PODXL: variants seen among roughly 807,000 people sequenced by gnomAD.
PODXL encodes the protein podocalyxin.
Under a neutral mutation model 48.9 loss-of-function variants are expected in PODXL, and 20 were observed. The ratio of observed to expected loss-of-function variants is 0.41; its 90% CI spans 0.29 to 0.59. PODXL has a LOEUF of 0.59. PODXL is among the 20% of genes least tolerant of loss of function. PODXL has a pLI of 0.31. For synonymous variants in PODXL, 295 were observed against 287.4 expected (o/e 1.03, Z -0.27); for missense variants, 606 against 675.1 (o/e 0.90, Z 1.13).
At chr7:131,517,233 C>T (rs1798013945) in intron 1 of PODXL, among the ~76,000 whole-genome samples, 1 of 152,146 alleles carries the variant, frequency 6.6e-6, no homozygotes, top group African/African-American at 2.4e-5. Context: ...AACAGAATTT[C>T]GTTTCCAGGA....
intron 1 of PODXL, among the ~76,000 whole-genome samples, chr7:131,517,248 A>T (rs980548250): frequency 6.6e-6 from 1 of 152,130 alleles, no homozygotes; most frequent in Non-Finnish European, 1.5e-5. Context: ...CCAGGAAAAA[A>T]GGTGTGTGTG....
intron 1 of PODXL, among the ~76,000 whole-genome samples, chr7:131,521,990 C>T (rs376335599): frequency 6.6e-6 from 1 of 152,250 alleles, no homozygotes; most frequent in Non-Finnish European, 1.5e-5. Context: ...TGAAGCAAAG[C>T]AGAGCTGTGG....
chr7:131,539,116 C>G (rs1026414412), intron 1 of PODXL, among the ~76,000 whole-genome samples: 2 of 152,210 alleles, frequency 1.3e-5, no homozygotes, highest in Non-Finnish European at 2.9e-5. Flanking sequence ...CAGGACAGCA[C>G]CCGGGGGAGG....
intron 1 of PODXL, among the ~76,000 whole-genome samples, chr7:131,546,079 A>C (rs1174370544): frequency 1.3e-5 from 2 of 151,742 alleles, no homozygotes; most frequent in Admixed American, 6.6e-5. Context: ...AGCTCCATGC[A>C]CCTCCCCCAT....
intron 1 of PODXL, among the ~76,000 whole-genome samples, chr7:131,541,020 C>T (rs1193901811): frequency 6.6e-6 from 1 of 152,192 alleles, no homozygotes; most frequent in Non-Finnish European, 1.5e-5. Flanking sequence ...TGTGTTCTGT[C>T]CTGGCGAGAA....
At chr7:131,553,547 C>T (rs984653294) in intron 1 of PODXL, among the ~76,000 whole-genome samples, 2 of 152,212 alleles carry the variant, frequency 1.3e-5, no homozygotes, top group African/African-American at 2.4e-5. Context: ...GATATATATA[C>T]TCGCTCATCT....
At chr7:131,524,377 C>CAGAGAGAGAG (rs1451998492) in intron 1 of PODXL, among the ~76,000 whole-genome samples, 3 of 24,034 alleles carry the variant, frequency 1.2e-4, no homozygotes, top group Non-Finnish European at 1.8e-4. Context: ...CACACACACA[C>CAGAGAGAGAG]ACAGAGAGAG....
At chr7:131,511,550 A>AGGCAG in intron 1 of PODXL, 117 bp from the exon 2 acceptor site, 3 of 1,028,604 alleles carry the variant, frequency 2.9e-6, no homozygotes, top group Non-Finnish European at 4.3e-6. Context: ...CTGCCTTGCT[A>AGGCAG]AAGGCCTGGG....
intron 1 of PODXL, among the ~76,000 whole-genome samples, chr7:131,514,097 A>T (rs1285576032): frequency 1.3e-5 from 2 of 152,172 alleles, no homozygotes; most frequent in African/African-American, 2.4e-5. Flanking sequence ...CCAGAGTATG[A>T]AAGGCACACT....
At position 131,503,251 on chromosome 7, in the gene PODXL, C is replaced by G. The variant is rs1797740478; in HGVS notation, c.*1060G>C. On this transcript the variant is annotated 3_prime_UTR_variant, in exon 9 of 9. Coordinates refer to ENST00000378555, the MANE Select transcript of PODXL (RefSeq NM_001018111.3). ...CTGAAGACACATCGCTGATGGGGGG[C>G]CCCGGGAAGGCCTCTCCTGCAGCCA... is the stretch of plus-strand genomic sequence containing the variant. 1 of 152,668 alleles carries G rather than the reference C, an allele frequency of 6.6e-6. No homozygotes were observed. Among genetic ancestry groups the G allele is most frequent in the South Asian group, 2.1e-4 (1 of 4,828 alleles). 9.5% of individuals were successfully genotyped at this position (152,668 alleles called of 1,614,324 possible).
chr7:131,506,612 G>C lies in PODXL; in HGVS notation c.1216C>G (p.Gln406Glu). The change falls in exon 6 of 9, where the codon CAG becomes GAG. Residue 406 changes from glutamine (Q) to glutamate (E), a missense_variant. Physicochemically the swap from Gln to Glu is conservative, Grantham distance 29. Coordinates refer to ENST00000378555, the MANE Select transcript of PODXL (RefSeq NM_001018111.3). ...GTGATTTCTTTGACGACCACGGTCT[G>C]ACTTCCTGGAACAGATGCCAGCCGT... ...GIRLASVPGS[Q>E]TVVVKEITIH... 6.2e-7 allele frequency: 1 copy of C among 1,614,174 alleles called. No individual in the cohort carries two copies. The highest frequency in any genetic ancestry group is 1.3e-5 in the African/African-American group (1 of 75,046).
At position 131,556,532 on chromosome 7, in the gene PODXL, T is replaced by C. The variant is rs1798751099; in HGVS notation, c.-173A>G. 1 of 736,576 alleles carries C rather than the reference T, an allele frequency of 1.4e-6. No individual in the cohort carries two copies. The highest frequency in any genetic ancestry group is 1.9e-6 in the Non-Finnish European group (1 of 537,400). The allele number at this position is 736,576 out of a possible 1,614,324, so 45.6% of individuals were successfully genotyped here. A position where few individuals can be genotyped will look rare whatever the true frequency, so the allele number is the denominator to read the frequency against. ...TGCGGCGGCTCTTCCTCCCTGCCGC[T>C]GCAGCAGAGCCGGGCTGGGGCGCAG... On this transcript the variant is annotated 5_prime_UTR_variant, in exon 1 of 9. Transcript: ENST00000378555.
intron 3 of PODXL, 104 bp from the exon 4 acceptor site, chr7:131,509,689 A>C (rs1584809631): frequency 1.4e-6 from 1 of 737,370 alleles, no homozygotes. Flanking sequence ...CTTTGGTCTT[A>C]CCTCCCACAG....
intron 1 of PODXL, among the ~76,000 whole-genome samples, chr7:131,521,172 A>AT (rs1798086599): frequency 6.6e-6 from 1 of 151,076 alleles, no homozygotes; most frequent in Non-Finnish European, 1.5e-5. Flanking sequence ...AAAAAAAAAA[A>AT]GCTGAGAAGC....
intron 1 of PODXL, among the ~76,000 whole-genome samples, chr7:131,534,671 C>T (rs1397494618): frequency 6.6e-6 from 1 of 152,228 alleles, no homozygotes; most frequent in African/African-American, 2.4e-5. Flanking sequence ...TTGTCCATCA[C>T]GATGGGTGTG....
chr7:131,556,266 G>T lies in PODXL; in HGVS notation c.94C>A (p.Gln32Lys). Residue 32 changes from glutamine to lysine, a missense_variant, in exon 1 of 9, where the codon CAG (glutamine) becomes AAG (lysine). Physicochemically the swap from Gln to Lys is moderately conservative, Grantham distance 53. Coordinates refer to ENST00000378555, the MANE Select transcript of PODXL (RefSeq NM_001018111.3). ...ACCCAGGCCGGCCACTCACCATTCT[G>T]GGAGGGCGACGGCGACGGCGACGGC... The part of the protein sequence containing the change: ...SSPSPSPSPS[Q>K]NATQTTTDSS... 1 of 1,460,660 alleles carries T rather than the reference G, an allele frequency of 6.8e-7. No individual in the cohort carries two copies. Among genetic ancestry groups the T allele is most frequent in the Non-Finnish European group, 9.0e-7 (1 of 1,114,576 alleles). The allele number at this position is 1,460,660 out of a possible 1,614,324, so 90.5% of individuals were successfully genotyped here. A position where few individuals can be genotyped will look rare whatever the true frequency, so the allele number is the denominator to read the frequency against.
At chr7:131,537,158 AATTG>A (rs1798388279) in intron 1 of PODXL, among the ~76,000 whole-genome samples, 1 of 151,880 alleles carries the variant, frequency 6.6e-6, no homozygotes, top group South Asian at 2.1e-4. Flanking sequence ...TTAACTAATT[AATTG>A]ATTGCCAGGC....
intron 1 of PODXL, among the ~76,000 whole-genome samples, chr7:131,512,064 G>A (rs1797922375): frequency 6.6e-6 from 1 of 152,224 alleles, no homozygotes; most frequent in South Asian, 2.1e-4. Flanking sequence ...CATGGGCCCT[G>A]TTCTCATGGA....
At chr7:131,533,475 G>A (rs1798316450) in intron 1 of PODXL, among the ~76,000 whole-genome samples, 1 of 152,176 alleles carries the variant, frequency 6.6e-6, no homozygotes, top group South Asian at 2.1e-4. Flanking sequence ...CCTGTAGGGT[G>A]GGGCCCGTCT....
Sources: allele counts gnomAD v4.1 joint callset (sites outside exome capture counted in the v4.1 genomes callset), GRCh38; gene constraint gnomAD v4.1.1; transcripts MANE v1.5; gene names NCBI Gene and HGNC (gene_info 2026-07-23, HGNC 2026-07-21).